Variants in NXPE2 observed in about 807,000 individuals in gnomAD.
NXPE2 encodes NXPE family member 2.
Under a neutral mutation model 34.4 loss-of-function variants are expected in NXPE2, and 34 were observed. The ratio of observed to expected loss-of-function variants is 0.99; its 90% CI spans 0.75 to 1.31. NXPE2 has a LOEUF of 1.31. Among genes scored for constraint, NXPE2 ranks in the 40% most tolerant of loss-of-function variants. NXPE2 has a pLI of 0.00. For synonymous variants in NXPE2, 235 were observed against 231.3 expected, an observed-to-expected ratio of 1.02 and a Z score of -0.15; for missense variants, 649 against 672.5, an observed-to-expected ratio of 0.97 and a Z score of 0.39.
At chr11:114,731,176 T>C in the NXPE2 span, among the ~76,000 whole-genome samples, 6 of 151,924 alleles carry the variant, frequency 3.9e-5, no homozygotes, top group African/African-American at 1.4e-4. Context: ...TTTTAAATTC[T>C]GTCCAACATA....
chr11:114,506,948 G>A, the NXPE2 span, among the ~76,000 whole-genome samples: 1 of 151,844 alleles, frequency 6.6e-6, no homozygotes, highest in Non-Finnish European at 1.5e-5. Context: ...TCCAGGAGCT[G>A]GTTTTTTGAA....
At chr11:114,583,934 C>T in the NXPE2 span, 1 of 391,382 alleles carries the variant, frequency 2.6e-6, no homozygotes, top group East Asian at 5.9e-5. Flanking sequence ...TAACTATCTG[C>T]TCCTAGATGG....
the NXPE2 span, among the ~76,000 whole-genome samples, chr11:114,588,985 G>A: frequency 2.0e-5 from 3 of 152,108 alleles, no homozygotes; most frequent in African/African-American, 7.2e-5. Context: ...GGACCAGGAG[G>A]AGACCCAGGA....
At chr11:114,735,225 A>G in the NXPE2 span, among the ~76,000 whole-genome samples, 10 of 152,220 alleles carry the variant, frequency 6.6e-5, no homozygotes, top group Non-Finnish European at 1.5e-4. Flanking sequence ...CATATTCAAA[A>G]TAATCTACAA....
chr11:114,804,860 C>T, the NXPE2 span, among the ~76,000 whole-genome samples: 1 of 152,136 alleles, frequency 6.6e-6, no homozygotes, highest in Non-Finnish European at 1.5e-5. Flanking sequence ...TGGAAAGAAC[C>T]ACAGATCTTG....
chr11:114,589,186 G>A, the NXPE2 span, among the ~76,000 whole-genome samples: 199 of 152,244 alleles, frequency 1.3e-3, no homozygotes, highest in African/African-American at 4.6e-3. Context: ...GACCACTGGT[G>A]ATCAGACTGC....
the NXPE2 span, among the ~76,000 whole-genome samples, chr11:114,712,754 C>T: frequency 6.6e-6 from 1 of 152,174 alleles, no homozygotes; most frequent in Non-Finnish European, 1.5e-5. Flanking sequence ...TACAATCCAA[C>T]AATCCCACTG....
At chr11:114,693,126 C>A (rs1951184301) in intron 2 of NXPE2, among the ~76,000 whole-genome samples, 2 of 152,214 alleles carry the variant, frequency 1.3e-5, no homozygotes, top group South Asian at 4.1e-4. Context: ...CAGTTTAAAA[C>A]CCCATGTGGT....
At chr11:114,675,619 G>A, upstream of NXPE2, among the ~76,000 whole-genome samples, 1 of 151,764 alleles carries the variant, frequency 6.6e-6, no homozygotes, top group Non-Finnish European at 1.5e-5. Flanking sequence ...TTCATAGAAT[G>A]ATATCCTGTG....
downstream of NXPE2, among the ~76,000 whole-genome samples, chr11:114,708,842 G>A (rs1024694811): frequency 6.6e-6 from 1 of 152,170 alleles, no homozygotes; most frequent in African/African-American, 2.4e-5. Context: ...TTGCTTAAAT[G>A]AGTTATCGTT....
At chr11:114,473,552 A>G in the NXPE2 span, among the ~76,000 whole-genome samples, 1 of 152,230 alleles carries the variant, frequency 6.6e-6, no homozygotes, top group Admixed American at 6.5e-5. Flanking sequence ...AATAATATAT[A>G]CAAACACAGA....
chr11:114,804,569 G>A, the NXPE2 span, among the ~76,000 whole-genome samples: 1 of 152,114 alleles, frequency 6.6e-6, no homozygotes, highest in Admixed American at 6.5e-5. Context: ...TATTTCTTTT[G>A]TTTTTGTGTG....
chr11:114,693,145 T>G (rs890725613), intron 2 of NXPE2, among the ~76,000 whole-genome samples: 2 of 152,254 alleles, frequency 1.3e-5, no homozygotes, highest in Non-Finnish European at 2.9e-5. Flanking sequence ...GTGCACACTT[T>G]GCCTTTGTCA....
At chr11:114,736,986 C>T in the NXPE2 span, among the ~76,000 whole-genome samples, 3 of 152,160 alleles carry the variant, frequency 2.0e-5, no homozygotes, top group Non-Finnish European at 4.4e-5. Context: ...GAAGTGATAA[C>T]CTGCCAACCT....
the NXPE2 span, among the ~76,000 whole-genome samples, chr11:114,623,242 G>A: frequency 2.6e-5 from 4 of 152,108 alleles, no homozygotes; most frequent in Non-Finnish European, 5.9e-5. Context: ...CATAACCACT[G>A]TTTCCCGGTG....
the NXPE2 span, chr11:114,530,239 AG>A: frequency 1.2e-4 from 189 of 1,613,918 alleles, no homozygotes; most frequent in Non-Finnish European, 1.5e-4. Flanking sequence ...GTGGTCATGT[AG>A]GTCAGAGCCT....
chr11:114,694,539 C>T (rs1482994425), intron 2 of NXPE2, among the ~76,000 whole-genome samples: 1 of 151,968 alleles, frequency 6.6e-6, no homozygotes, highest in Non-Finnish European at 1.5e-5. Flanking sequence ...TCTTCTGTTC[C>T]TTTCTCTTTA....
chr11:114,771,789 C>T, the NXPE2 span, among the ~76,000 whole-genome samples: 7 of 152,226 alleles, frequency 4.6e-5, no homozygotes, highest in South Asian at 1.0e-3. Context: ...GCCATGGCAA[C>T]GAATGCAGGG....
the NXPE2 span, among the ~76,000 whole-genome samples, chr11:114,778,727 A>G: frequency 1.3e-5 from 2 of 152,190 alleles, no homozygotes; most frequent in African/African-American, 4.8e-5. Context: ...CATGTCCATC[A>G]AAGGCACTTG....
Sources: gnomAD v4.1 joint callset for allele counts (sites outside exome capture counted in the v4.1 genomes callset) on GRCh38, gnomAD v4.1.1 for gene constraint, MANE v1.5 for transcripts, NCBI Gene and HGNC (gene_info 2026-07-23, HGNC 2026-07-21) for gene names.